Variants in BAALC observed in about 807,000 individuals in gnomAD.
The protein encoded by BAALC is brain and acute leukemia cytoplasmic protein.
BAALC carries 9 observed loss-of-function variants against 15.5 expected under a neutral mutation model. That is an observed-to-expected ratio of 0.58 (90% confidence interval 0.35 to 1.02). The LOEUF (loss-of-function observed/expected upper bound fraction) is 1.02. BAALC is among the 50% of genes least tolerant of loss of function. BAALC has a pLI of 0.02. For synonymous variants in BAALC, 80 were observed against 74.6 expected, an observed-to-expected ratio of 1.07 and a Z score of -0.37; for missense variants, 201 against 192.4, an observed-to-expected ratio of 1.04 and a Z score of -0.27.
At chr8:103,164,041 G>C (rs568924304) in intron 1 of BAALC, among the ~76,000 whole-genome samples, 1 of 152,280 alleles carries the variant, frequency 6.6e-6, no homozygotes, top group South Asian at 2.1e-4. Flanking sequence ...AGAAAACCAA[G>C]ATAATAAAAT....
Position 103,140,761 on chromosome 8 carries a change from G to A in BAALC, c.-137G>A, listed in dbSNP as rs1395588735. 4.1e-6 allele frequency: 3 copies of A among 725,848 alleles called. No homozygotes were observed. Among genetic ancestry groups the A allele is most frequent in the Non-Finnish European group, 5.4e-6 (3 of 550,858 alleles). 45.0% of individuals were successfully genotyped at this position (725,848 alleles called of 1,614,324 possible). On this transcript the variant is annotated 5_prime_UTR_variant, in exon 1 of 3. Transcript: ENST00000309982. This position sits in a 1 kb window ranked among gnomAD's most constrained non-coding sequence, Gnocchi z 4.2. ...GGCGGGCACCGCAGGAGCTCCGCGC[G>A]GCTGCAGCGCGGGCGGGAGCGGGGA...
chr8:103,182,459 C>T (rs911090278), intron 1 of BAALC, among the ~76,000 whole-genome samples: 1 of 152,290 alleles, frequency 6.6e-6, no homozygotes, highest in South Asian at 2.1e-4. Flanking sequence ...ACAAATTTTC[C>T]ATCTGACAAT....
At position 103,143,731 on chromosome 8, in the gene BAALC, G is replaced by C. The variant is rs188617841; in HGVS notation, c.160+2674G>C. Among the ~76,000 whole-genome samples the C allele has an allele frequency of 3.3e-5, 5 of 152,292 alleles. No individual in the cohort carries two copies. The East Asian group carries it at 9.6e-4, about 29-fold the overall frequency. On this transcript the variant is annotated intron_variant, in intron 1 of 2. Coordinates refer to ENST00000309982, the MANE Select transcript of BAALC (RefSeq NM_024812.3). ...TACTTCAGGACTTTTGAGGGCTAGG[G>C]GAGAAGCTAATTCATCTTTGCATCT...
intron 1 of BAALC, chr8:103,157,155 A>T (rs1411800507): frequency 1.3e-5 from 2 of 152,058 alleles, no homozygotes; most frequent in Non-Finnish European, 2.9e-5. Context: ...CACACACCAC[A>T]CACAAATGGA....
At chr8:103,145,964 C>T (rs1381921212) in intron 1 of BAALC, among the ~76,000 whole-genome samples, 1 of 152,116 alleles carries the variant, frequency 6.6e-6, no homozygotes, top group East Asian at 1.9e-4. Flanking sequence ...GCTATGAAAA[C>T]AATATTCTAG....
chr8:103,205,770 G>C (rs1812313387), intron 1 of BAALC, among the ~76,000 whole-genome samples: 1 of 152,188 alleles, frequency 6.6e-6, no homozygotes, highest in Non-Finnish European at 1.5e-5. Context: ...TTTGAGAACT[G>C]CCTACTTGGG....
chr8:103,158,420 A>G (rs1811147790), intron 1 of BAALC, among the ~76,000 whole-genome samples: 1 of 152,152 alleles, frequency 6.6e-6, no homozygotes, highest in Non-Finnish European at 1.5e-5. Context: ...CCCTATATAT[A>G]TTGTTCTTCC....
intron 1 of BAALC, among the ~76,000 whole-genome samples, chr8:103,170,188 A>T (rs1333494971): frequency 6.7e-6 from 1 of 148,866 alleles, no homozygotes; most frequent in Non-Finnish European, 1.5e-5. Context: ...AGCTCATTGC[A>T]TTTGCAATGA....
chr8:103,204,026 A>T (rs1440592396), intron 1 of BAALC, among the ~76,000 whole-genome samples: 4 of 152,194 alleles, frequency 2.6e-5, no homozygotes, highest in African/African-American at 7.2e-5. Flanking sequence ...TGTACCATTT[A>T]GTCTTCCCAC....
At chr8:103,163,733 C>T (rs564666729) in intron 1 of BAALC, among the ~76,000 whole-genome samples, 1 of 152,264 alleles carries the variant, frequency 6.6e-6, no homozygotes. Flanking sequence ...AATGTGGGGG[C>T]ATCTTGGTGG....
Position 103,173,939 on chromosome 8 carries a change from C to T in BAALC, c.160+32882C>T, listed in dbSNP as rs929867640. ...GTAGTCTACATAAGAACCAAAAGGG[C>T]GTGAAGAAATTACTGTAAAACCTAT... On this transcript the variant is annotated intron_variant, in intron 1 of 2. Transcript: ENST00000309982. 4.6e-5 allele frequency among the ~76,000 whole-genome samples: 7 copies of T among 152,042 alleles called. No homozygotes were observed. In the East Asian group the frequency reaches 5.8e-4, roughly 13 times the overall value.
At chr8:103,215,587 T>C (rs373314719) in intron 2 of BAALC, among the ~76,000 whole-genome samples, 1 of 152,268 alleles carries the variant, frequency 6.6e-6, no homozygotes, top group African/African-American at 2.4e-5. Context: ...ATATATATTA[T>C]TCTGGAAACC....
chr8:103,160,616 C>G (rs895454545), intron 1 of BAALC, among the ~76,000 whole-genome samples: 7 of 152,108 alleles, frequency 4.6e-5, no homozygotes, highest in Non-Finnish European at 8.8e-5. Flanking sequence ...TCCAGAGGAA[C>G]AGAACTAATA....
At chr8:103,193,499 G>C (rs1311904748) in intron 1 of BAALC, among the ~76,000 whole-genome samples, 2 of 152,148 alleles carry the variant, frequency 1.3e-5, no homozygotes, top group African/African-American at 4.8e-5. Context: ...ACATTGTTGT[G>C]CCTGGGAGTG....
intron 1 of BAALC, among the ~76,000 whole-genome samples, chr8:103,146,036 A>G (rs1810871728): frequency 6.6e-6 from 1 of 152,146 alleles, no homozygotes; most frequent in African/African-American, 2.4e-5. Context: ...TCTTTTGTTC[A>G]CTGAATAGAC....
At chr8:103,170,857 G>C (rs1419486646) in intron 1 of BAALC, among the ~76,000 whole-genome samples, 1 of 152,170 alleles carries the variant, frequency 6.6e-6, no homozygotes, top group African/African-American at 2.4e-5. Flanking sequence ...AAGATGCTTT[G>C]AGAAATGGAA....
Position 103,141,067 on chromosome 8 carries a change from CG to C in BAALC, c.160+13del. The C allele has an allele frequency of 6.8e-7, 1 of 1,475,242 alleles. No individual in the cohort carries two copies. Among genetic ancestry groups the C allele is most frequent in the Non-Finnish European group, 9.0e-7 (1 of 1,114,530 alleles). The allele number at this position is 1,475,242 out of a possible 1,614,324, so 91.4% of individuals were successfully genotyped here. ...GGCGGCCTGCACTCGGGTAAGTGGC[CG>C]GGCCCCTGCAGACCCTCGCCCGCCC... On this transcript the variant is annotated intron_variant, in intron 1 of 2. Transcript: ENST00000309982.
intron 1 of BAALC, among the ~76,000 whole-genome samples, chr8:103,144,946 G>A (rs991312): frequency 0.65 from 98,096 of 152,018 alleles, 31,757 homozygotes; most frequent in African/African-American, 0.69. Flanking sequence ...AGGAACTATA[G>A]CCACCCTCCT....
intron 1 of BAALC, among the ~76,000 whole-genome samples, chr8:103,144,688 AT>A (rs2129851232): frequency 1.3e-5 from 2 of 152,360 alleles, no homozygotes; most frequent in East Asian, 3.9e-4. Context: ...CAGAGAAAAC[AT>A]TTCAAAACTT....
Sources: allele counts gnomAD v4.1 joint callset (sites outside exome capture counted in the v4.1 genomes callset), GRCh38; gene constraint gnomAD v4.1.1; non-coding constraint Gnocchi (gnomAD v3.1); transcripts MANE v1.5; gene names NCBI Gene and HGNC (gene_info 2026-07-23, HGNC 2026-07-21).